Variants in ZFHX3 observed in about 807,000 individuals in gnomAD.
The protein encoded by ZFHX3 is zinc finger homeobox 3, also known as zinc finger homeobox protein 3.
In ZFHX3, 42 loss-of-function variants were observed where a neutral mutation model predicts 279.1. That is an observed-to-expected ratio of 0.15 (90% CI 0.12 to 0.19). The LOEUF (loss-of-function observed/expected upper bound fraction) is 0.19, where lower values mean the gene tolerates loss of function less well. Ranked by LOEUF, ZFHX3 falls within the 10% of genes least tolerant of loss-of-function variation. The pLI, the probability that ZFHX3 is intolerant of heterozygous loss-of-function variation, is 1.00. For synonymous variants in ZFHX3, 2,293 were observed against 1,957.8 expected (o/e 1.17, Z -4.52); for missense variants, 4,981 against 4,754.0 (o/e 1.05, Z -1.40).
At chr16:73,726,846 G>A (rs2053523080) in intron 1 of ZFHX3, among the ~76,000 whole-genome samples, 3 of 152,208 alleles carry the variant, frequency 2.0e-5, no homozygotes, top group Non-Finnish European at 4.4e-5. Flanking sequence ...GTCAACATGA[G>A]ATTTAGGGGG....
At chr16:73,422,891 T>C (rs537801939) in intron 3 of ZFHX3, among the ~76,000 whole-genome samples, 1 of 152,316 alleles carries the variant, frequency 6.6e-6, no homozygotes, top group African/African-American at 2.4e-5. Flanking sequence ...ATTTTCTCTG[T>C]GAGAAAGAAG....
chr16:73,673,201 T>A (rs1249905575), intron 2 of ZFHX3, among the ~76,000 whole-genome samples: 3 of 151,954 alleles, frequency 2.0e-5, no homozygotes, highest in Non-Finnish European at 4.4e-5. Flanking sequence ...CCCCTCTAAG[T>A]GGGGAGGAGG....
chr16:72,978,526 T>C lies in ZFHX3; in HGVS notation c.-49-18332A>G, dbSNP rs183795496. On this transcript the variant is annotated intron_variant, in intron 1 of 9. Coordinates refer to ENST00000268489, the MANE Select transcript of ZFHX3 (RefSeq NM_006885.4). ...CCCACTCCCTGACCGAGGTCTCGCC[T>C]TCCTCTGGGCTAAGTCCACACTGCC... Among the ~76,000 whole-genome samples, 179 of 152,250 alleles carry C rather than the reference T, an allele frequency of 1.2e-3. 1 individual carries two copies. The highest frequency in any genetic ancestry group is 3.4e-3 in the Middle Eastern group (1 of 294).
intron 8 of ZFHX3, among the ~76,000 whole-genome samples, chr16:73,070,938 G>GCACACACA (rs768410525): frequency 1.5e-3 from 35 of 22,614 alleles, no homozygotes; most frequent in African/African-American, 2.8e-3. Flanking sequence ...GCGCGCGCGC[G>GCACACACA]CACACACACA....
intron 2 of ZFHX3, among the ~76,000 whole-genome samples, chr16:73,496,446 G>A (rs755654114): frequency 3.3e-5 from 5 of 152,160 alleles, no homozygotes; most frequent in African/African-American, 4.8e-5. Flanking sequence ...CAGGAGAATC[G>A]CTTGAACTGG....
At chr16:72,893,139 C>A (rs535504713) in intron 3 of ZFHX3, among the ~76,000 whole-genome samples, 5 of 152,300 alleles carry the variant, frequency 3.3e-5, no homozygotes, top group African/African-American at 1.2e-4. Flanking sequence ...GAATGATATT[C>A]ATTAAAGCTT....
intron 1 of ZFHX3, among the ~76,000 whole-genome samples, chr16:73,046,453 GTCC>G (rs1212674342): frequency 2.6e-5 from 4 of 152,064 alleles, no homozygotes; most frequent in African/African-American, 9.7e-5. Flanking sequence ...GCACTCTCGT[GTCC>G]TCCTCCAGCC....
chr16:72,901,097 T>G (rs2039022111), intron 3 of ZFHX3, among the ~76,000 whole-genome samples: 1 of 152,208 alleles, frequency 6.6e-6, no homozygotes, highest in African/African-American at 2.4e-5. Flanking sequence ...ATTGGCTCTA[T>G]TCATCTTCCT....
intron 5 of ZFHX3, chr16:72,822,014 C>A (rs1369686966): frequency 6.6e-6 from 1 of 152,128 alleles, no homozygotes; most frequent in Non-Finnish European, 1.5e-5. Flanking sequence ...TTAAGACAAG[C>A]AAAGACACCT....
chr16:73,329,051 C>T (rs948708040), intron 3 of ZFHX3, among the ~76,000 whole-genome samples: 2 of 152,252 alleles, frequency 1.3e-5, no homozygotes, highest in East Asian at 1.9e-4. Context: ...ACTTTTTACC[C>T]TCCTTTCCTT....
chr16:73,220,615 T>G (rs926993856), intron 5 of ZFHX3, among the ~76,000 whole-genome samples: 13 of 152,192 alleles, frequency 8.5e-5, no homozygotes, highest in Non-Finnish European at 4.4e-5. Context: ...CCCTTCATGC[T>G]GCTATGTTCA....
chr16:72,949,032 A>T (rs1272709580), intron 3 of ZFHX3, among the ~76,000 whole-genome samples: 2 of 152,194 alleles, frequency 1.3e-5, no homozygotes, highest in Non-Finnish European at 2.9e-5. Flanking sequence ...GTTCCAGAAC[A>T]TTCTATCCCC....
intron 2 of ZFHX3, among the ~76,000 whole-genome samples, chr16:73,623,654 C>T (rs956395340): frequency 1.3e-5 from 2 of 152,078 alleles, no homozygotes; most frequent in African/African-American, 2.4e-5. Context: ...TGTGAAAAAT[C>T]GTGAAATATT....
chr16:73,868,775 C>A (rs780357392), intron 1 of ZFHX3, among the ~76,000 whole-genome samples: 2 of 150,836 alleles, frequency 1.3e-5, no homozygotes, highest in Non-Finnish European at 2.9e-5. Context: ...TTCTTTCTTT[C>A]TTTCTTTCTT....
At chr16:73,682,051 AAAGGC>A (rs1402689365) in intron 1 of ZFHX3, among the ~76,000 whole-genome samples, 1 of 152,220 alleles carries the variant, frequency 6.6e-6, no homozygotes, top group East Asian at 1.9e-4. Context: ...CTTAACAAAT[AAAGGC>A]TGATATTACA....
At chr16:73,562,690 T>A (rs1654294668) in intron 2 of ZFHX3, among the ~76,000 whole-genome samples, 1 of 149,538 alleles carries the variant, frequency 6.7e-6, no homozygotes, top group Non-Finnish European at 1.5e-5. Context: ...TTTTGAAAGA[T>A]GGCTTTAAAA....
intron 1 of ZFHX3, among the ~76,000 whole-genome samples, chr16:73,787,134 T>G (rs1333607871): frequency 6.6e-6 from 1 of 152,196 alleles, no homozygotes; most frequent in African/African-American, 2.4e-5. Context: ...GTAAAGAAAC[T>G]CATGTGTTCA....
At chr16:73,753,985 A>AGTGTGTGTGT (rs2053783574) in intron 1 of ZFHX3, among the ~76,000 whole-genome samples, 1 of 29,444 alleles carries the variant, frequency 3.4e-5, no homozygotes, top group African/African-American at 2.3e-4. Context: ...AGTAAGAATC[A>AGTGTGTGTGT]ATGTGTGTGT....
At chr16:73,333,315 G>C (rs2015841766) in intron 3 of ZFHX3, among the ~76,000 whole-genome samples, 1 of 151,898 alleles carries the variant, frequency 6.6e-6, no homozygotes, top group South Asian at 2.1e-4. Context: ...TAAATACATA[G>C]ATATATAGAC....
Sources: gnomAD v4.1 joint callset for allele counts (sites outside exome capture counted in the v4.1 genomes callset) on GRCh38, gnomAD v4.1.1 for gene constraint, MANE v1.5 for transcripts, NCBI Gene and HGNC (gene_info 2026-07-23, HGNC 2026-07-21) for gene names.